Variants in UNC5D observed in about 807,000 individuals in gnomAD.
The protein encoded by UNC5D is unc-5 netrin receptor D, also known as netrin receptor UNC5D.
Under a neutral mutation model 105.4 loss-of-function variants are expected in UNC5D, and 39 were observed. The observed-to-expected ratio is 0.37, with a 90% CI of 0.29 to 0.48. UNC5D has a LOEUF of 0.48. UNC5D is among the 20% of genes least tolerant of loss of function. The pLI is 0.98. For synonymous variants in UNC5D, 452 were observed against 450.4 expected, an observed-to-expected ratio of 1.00 and a Z score of -0.04; for missense variants, 991 against 1,202.4, an observed-to-expected ratio of 0.82 and a Z score of 2.60.
intron 1 of UNC5D, among the ~76,000 whole-genome samples, chr8:35,417,977 C>T (rs1297998401): frequency 2.6e-5 from 4 of 152,144 alleles, no homozygotes; most frequent in Non-Finnish European, 5.9e-5. Flanking sequence ...TAATTTTCAA[C>T]TCTGCTGAAC....
At position 35,491,300 on chromosome 8, in the gene UNC5D, AT is replaced by A. The variant is rs568997744; in HGVS notation, c.104-57984del. Reference sequence around the variant, plus strand: ...ATGTGTGATTATTTATTTGCCATGTATTTTTTTTAAATAAGCATAACCTGAA... The same window carrying A: ...ATGTGTGATTATTTATTTGCCATGTATTTTTTTAAATAAGCATAACCTGAA... On this transcript the variant is annotated intron_variant, in intron 1 of 16. Transcript: ENST00000404895. 2.6e-5 allele frequency among the ~76,000 whole-genome samples: 4 copies of A among 151,464 alleles called. No individual in the cohort carries two copies. In the East Asian group the frequency reaches 5.8e-4, roughly 22 times the overall value.
intron 3 of UNC5D, among the ~76,000 whole-genome samples, chr8:35,584,790 A>T (rs1253285631): frequency 6.6e-6 from 1 of 152,094 alleles, no homozygotes; most frequent in Non-Finnish European, 1.5e-5. Flanking sequence ...GCTATGTTAT[A>T]GCCTTTGTAA....
At chr8:35,687,658 A>G (rs963163708) in intron 7 of UNC5D, among the ~76,000 whole-genome samples, 2 of 152,046 alleles carry the variant, frequency 1.3e-5, no homozygotes, top group Non-Finnish European at 2.9e-5. Context: ...AGTCAAAGAG[A>G]AATAGGTTTC....
intron 1 of UNC5D, among the ~76,000 whole-genome samples, chr8:35,454,619 A>G (rs775410372): frequency 1.1e-4 from 17 of 152,002 alleles, no homozygotes; most frequent in Non-Finnish European, 2.2e-4. Flanking sequence ...ACCTTCCCAC[A>G]GTTTACTTGT....
At chr8:35,408,070 T>C (rs986623923) in intron 1 of UNC5D, among the ~76,000 whole-genome samples, 1 of 152,110 alleles carries the variant, frequency 6.6e-6, no homozygotes, top group Non-Finnish European at 1.5e-5. Context: ...CATTAGATCA[T>C]TTAAAATTAG....
rs550510785 is a variant in UNC5D at position 35,396,513 on chromosome 8, G to A, written c.104-152779G>A. Among the ~76,000 whole-genome samples, 112 of 149,542 alleles carry A rather than the reference G, an allele frequency of 7.5e-4. 2 individuals are homozygous for A. The South Asian group carries it at 0.011, about 14-fold the overall frequency. ...TTTATTTTCTTTTTTTTTTTTTCCC[G>A]GGAGACAAAAACCTCCCTCGGTCTC... On this transcript the variant is annotated intron_variant, in intron 1 of 16. Coordinates refer to ENST00000404895, the MANE Select transcript of UNC5D (RefSeq NM_080872.4).
chr8:35,340,319 A>T (rs1364042373), intron 1 of UNC5D, among the ~76,000 whole-genome samples: 1 of 152,196 alleles, frequency 6.6e-6, no homozygotes. Context: ...CTGGACATCC[A>T]GTACGGACTC....
rs557892503 is a variant in UNC5D at position 35,760,298 on chromosome 8, C to T, written c.2313+829C>T. ...CCTCAGGTGATCCGCCCACCTCAGC[C>T]TCCCAAAGTGCTGGGATTACAGATG... On this transcript the variant is annotated intron_variant, in intron 14 of 16. Transcript: ENST00000404895. Among the ~76,000 whole-genome samples the T allele has an allele frequency of 2.7e-4, 41 of 152,156 alleles. No individual in the cohort carries two copies. The South Asian group carries it at 8.3e-3, about 31-fold the overall frequency.
chr8:35,533,601 T>C (rs550249357), intron 1 of UNC5D, among the ~76,000 whole-genome samples: 1 of 152,352 alleles, frequency 6.6e-6, no homozygotes, highest in Non-Finnish European at 1.5e-5. Flanking sequence ...GGCTGCTTTG[T>C]TTACCTAAGC....
chr8:35,312,908 A>G (rs1809005723), intron 1 of UNC5D, among the ~76,000 whole-genome samples: 1 of 152,194 alleles, frequency 6.6e-6, no homozygotes, highest in Admixed American at 6.5e-5. Context: ...TGTCCTTGCC[A>G]ACTTCCTCCA....
At chr8:35,476,453 A>G (rs1810106379) in intron 1 of UNC5D, among the ~76,000 whole-genome samples, 1 of 152,210 alleles carries the variant, frequency 6.6e-6, no homozygotes, top group Non-Finnish European at 1.5e-5. Context: ...GCATTTTCCC[A>G]GGGAAGTATT....
chr8:35,624,847 G>A (rs560598074), intron 4 of UNC5D, among the ~76,000 whole-genome samples: 29 of 152,272 alleles, frequency 1.9e-4, no homozygotes, highest in African/African-American at 7.0e-4. Flanking sequence ...CAGTCAGCCA[G>A]CTGCAGTGAG....
chr8:35,504,979 A>T (rs1812213680), intron 1 of UNC5D, among the ~76,000 whole-genome samples: 1 of 152,212 alleles, frequency 6.6e-6, no homozygotes, highest in African/African-American at 2.4e-5. Context: ...TAAAGTATTC[A>T]TGGAAACTTC....
At chr8:35,774,886 C>T (rs1045290261) in intron 16 of UNC5D, among the ~76,000 whole-genome samples, 3 of 145,414 alleles carry the variant, frequency 2.1e-5, no homozygotes, top group African/African-American at 8.3e-5. Flanking sequence ...AAGATTGCAC[C>T]ACTGCACTCC....
intron 1 of UNC5D, among the ~76,000 whole-genome samples, chr8:35,301,450 G>A (rs1208853458): frequency 6.6e-6 from 1 of 152,146 alleles, no homozygotes; most frequent in Non-Finnish European, 1.5e-5. Flanking sequence ...AACCAGAAGA[G>A]GTTTAAAGAG....
chr8:35,351,579 C>G (rs1271343369), intron 1 of UNC5D, among the ~76,000 whole-genome samples: 2 of 152,048 alleles, frequency 1.3e-5, no homozygotes, highest in Non-Finnish European at 2.9e-5. Context: ...ACCCAAACAA[C>G]TGTTCTTCTG....
chr8:35,392,671 A>C (rs1023244457), intron 1 of UNC5D, among the ~76,000 whole-genome samples: 2 of 152,206 alleles, frequency 1.3e-5, no homozygotes, highest in Admixed American at 1.3e-4. Flanking sequence ...CACATCGGCA[A>C]AGTCCCTTTT....
intron 1 of UNC5D, among the ~76,000 whole-genome samples, chr8:35,457,467 T>A (rs1808571126): frequency 6.6e-6 from 1 of 152,132 alleles, no homozygotes; most frequent in African/African-American, 2.4e-5. Flanking sequence ...AGGTAGCAAG[T>A]TTGAAGGTGT....
At chr8:35,254,483 G>T (rs1489795764) in intron 1 of UNC5D, 1 of 152,156 alleles carries the variant, frequency 6.6e-6, no homozygotes, top group Admixed American at 6.5e-5. Context: ...ATATGAAGAT[G>T]CTAGAAAAGT....
Sources: allele counts gnomAD v4.1 joint callset (sites outside exome capture counted in the v4.1 genomes callset), GRCh38; gene constraint gnomAD v4.1.1; transcripts MANE v1.5; gene names NCBI Gene and HGNC (gene_info 2026-07-23, HGNC 2026-07-21).